Variants in CTNNB1 observed in about 807,000 individuals in gnomAD.
CTNNB1 encodes the protein catenin beta 1.
Under a neutral mutation model 82.5 loss-of-function variants are expected in CTNNB1, and 6 were observed. The ratio of observed to expected loss-of-function variants is 0.07; its 90% CI spans 0.04 to 0.14. The LOEUF (loss-of-function observed/expected upper bound fraction) is 0.14, where lower values mean the gene tolerates loss of function less well. Ranked by LOEUF, CTNNB1 falls within the 10% of genes least tolerant of loss-of-function variation. The pLI is 1.00. For missense variants in CTNNB1, 529 were observed against 980.4 expected, an observed-to-expected ratio of 0.54 and a Z score of 6.15; for synonymous variants, 312 against 329.7, an observed-to-expected ratio of 0.95 and a Z score of 0.58.
Position 41,239,625 on chromosome 3 carries a change from T to TAAAC in CTNNB1, c.*285_*288dup, listed in dbSNP as rs1013367216. The TAAAC allele has an allele frequency of 6.3e-5, 31 of 493,246 alleles. No individual in the cohort carries two copies. Among genetic ancestry groups the TAAAC allele is most frequent in the African/African-American group, 1.7e-4 (9 of 52,144 alleles). The allele number at this position is 493,246 out of a possible 1,614,324, so 30.6% of individuals were successfully genotyped here. A position where few individuals can be genotyped will look rare whatever the true frequency, so the allele number is the denominator to read the frequency against. On this transcript the variant is annotated 3_prime_UTR_variant, in exon 15 of 15. Coordinates refer to ENST00000349496, the MANE Select transcript of CTNNB1 (RefSeq NM_001904.4). ...CTCAAATGAGTAACATTTGCTGTTT[T>TAAAC]AAACATTAATAGCAGCCTTTCTCTC... is the stretch of plus-strand genomic sequence containing the variant.
intron 7 of CTNNB1, among the ~76,000 whole-genome samples, chr3:41,229,395 G>C (rs2078250413): frequency 6.6e-6 from 1 of 151,888 alleles, no homozygotes; most frequent in Admixed American, 6.6e-5. Flanking sequence ...AGTGTTTTTT[G>C]TAATTCTCAT....
intron 1 of CTNNB1, among the ~76,000 whole-genome samples, chr3:41,202,685 G>A (rs2077560223): frequency 6.6e-6 from 1 of 152,184 alleles, no homozygotes; most frequent in African/African-American, 2.4e-5. Context: ...TATTGCAGTT[G>A]TGATTGTGAT....
intron 7 of CTNNB1, among the ~76,000 whole-genome samples, chr3:41,230,729 G>A (rs528497470): frequency 9.9e-5 from 15 of 152,198 alleles, no homozygotes; most frequent in East Asian, 3.9e-4. Context: ...AGAGGGAACC[G>A]TCTCTTGTCT....
intron 1 of CTNNB1, among the ~76,000 whole-genome samples, chr3:41,219,872 A>G (rs545366093): frequency 3.9e-5 from 6 of 152,336 alleles, no homozygotes; most frequent in Non-Finnish European, 5.9e-5. Context: ...ATAATAGACA[A>G]AATGGGGAAG....
rs11564475 is a variant in CTNNB1, at chr3:41,238,542, A to G, written c.2137+466A>G. ...TGGAGGATGGCATAGACCACTAACA[A>G]TTATAACTGTCTTACATTTATAACC... On this transcript the variant is annotated intron_variant, in intron 14 of 14. Coordinates refer to ENST00000349496, the MANE Select transcript of CTNNB1 (RefSeq NM_001904.4). 5,980 of 193,176 alleles carry G rather than the reference A, an allele frequency of 0.031. 310 individuals carry two copies. Among genetic ancestry groups the G allele is most frequent in the East Asian group, 0.12 (907 of 7,604 alleles). The allele number at this position is 193,176 out of a possible 1,614,324, so 12.0% of individuals were successfully genotyped here. A position where few individuals can be genotyped will look rare whatever the true frequency, so the allele number is the denominator to read the frequency against.
At chr3:41,236,804 T>G in intron 13 of CTNNB1, 95 bp downstream of exon 13, 1 of 1,508,548 alleles carries the variant, frequency 6.6e-7, no homozygotes, top group South Asian at 1.1e-5. Flanking sequence ...CACATTCATT[T>G]GCATTGATGT....
At chr3:41,202,498 T>C (rs1470759956) in intron 1 of CTNNB1, among the ~76,000 whole-genome samples, 2 of 152,220 alleles carry the variant, frequency 1.3e-5, no homozygotes, top group Non-Finnish European at 2.9e-5. Flanking sequence ...CTGTGGTATC[T>C]ATTGTTGAAA....
chr3:41,236,011 G>T, intron 11 of CTNNB1, 168 bp downstream of exon 11: 1 of 850,638 alleles, frequency 1.2e-6, no homozygotes. Flanking sequence ...GACTTGAGAA[G>T]AGGGAGGAGA....
At chr3:41,237,248 G>C (rs1476628990) in intron 13 of CTNNB1, 1 of 164,398 alleles carries the variant, frequency 6.1e-6, no homozygotes, top group Non-Finnish European at 1.3e-5. Flanking sequence ...AATGGAAAGA[G>C]AGATTGTTAG....
intron 10 of CTNNB1, chr3:41,234,531 G>T (rs1305937270): frequency 3.7e-6 from 2 of 545,346 alleles, no homozygotes; most frequent in African/African-American, 3.8e-5. Flanking sequence ...TCTTACAAAG[G>T]TTGGGTTAGG....
In CTNNB1 at chr3:41,227,176, G is replaced by A. The variant is rs1376955122; in HGVS notation, c.937-32G>A. On this transcript the variant is annotated intron_variant, in intron 6 of 14. Coordinates refer to ENST00000349496, the MANE Select transcript of CTNNB1 (RefSeq NM_001904.4). ...CTCAGACATGTGATCAAGATTCCTTGACTAACAAGATATATATATATATCT... is the reference window on the plus strand; with the variant it reads ...CTCAGACATGTGATCAAGATTCCTTAACTAACAAGATATATATATATATCT... 7 of 1,570,034 alleles carry A rather than the reference G, an allele frequency of 4.5e-6. No individual in the cohort carries two copies. The Admixed American group carries it at 1.0e-4, about 22-fold the overall frequency.
chr3:41,223,911 T>C, intron 1 of CTNNB1, 110 bp from the exon 2 acceptor site: 1 of 768,224 alleles, frequency 1.3e-6, no homozygotes, highest in Non-Finnish European at 2.2e-6. Context: ...AAAGAGGATA[T>C]GGGTTTTTTT....
chr3:41,210,105 T>C (rs1471138059), intron 1 of CTNNB1, among the ~76,000 whole-genome samples: 5 of 152,226 alleles, frequency 3.3e-5, no homozygotes, highest in African/African-American at 1.2e-4. Context: ...TATATCTTTA[T>C]AAGCTTTTTT....
At chr3:41,208,583 C>G (rs912523864) in intron 1 of CTNNB1, among the ~76,000 whole-genome samples, 2 of 152,216 alleles carry the variant, frequency 1.3e-5, no homozygotes, top group Admixed American at 6.5e-5. Flanking sequence ...TCCTCACCCT[C>G]ACTTCTATAC....
intron 1 of CTNNB1, chr3:41,220,640 C>T (rs966976768): frequency 2.0e-5 from 3 of 152,140 alleles, no homozygotes; most frequent in Admixed American, 1.3e-4. Flanking sequence ...TTTTAAAAAT[C>T]CCTGAAGGTG....
At chr3:41,208,080 GCTCATT>G (rs1256708702) in intron 1 of CTNNB1, among the ~76,000 whole-genome samples, 3 of 151,976 alleles carry the variant, frequency 2.0e-5, no homozygotes, top group Non-Finnish European at 4.4e-5. Flanking sequence ...TTAGCTCTTG[GCTCATT>G]GTCACTGTCT....
intron 1 of CTNNB1, among the ~76,000 whole-genome samples, chr3:41,207,578 C>T (rs2077677894): frequency 6.6e-6 from 1 of 152,164 alleles, no homozygotes; most frequent in African/African-American, 2.4e-5. Flanking sequence ...GGGCAGAGGC[C>T]AGTCCTGAGG....
At chr3:41,236,226 A>G in intron 11 of CTNNB1, 123 bp from the exon 12 acceptor site, 1 of 1,148,686 alleles carries the variant, frequency 8.7e-7, no homozygotes, top group Non-Finnish European at 1.3e-6. Flanking sequence ...AATTCAGAGA[A>G]TATTATTTAC....
intron 1 of CTNNB1, among the ~76,000 whole-genome samples, chr3:41,210,824 C>G (rs1221546802): frequency 3.3e-5 from 5 of 151,838 alleles, no homozygotes; most frequent in African/African-American, 9.7e-5. Flanking sequence ...GCATCTCACT[C>G]TGTCACCCAG....
Sources: allele counts gnomAD v4.1 joint callset (sites outside exome capture counted in the v4.1 genomes callset), GRCh38; gene constraint gnomAD v4.1.1; transcripts MANE v1.5; gene names NCBI Gene and HGNC (gene_info 2026-07-23, HGNC 2026-07-21).